LARS2: variants seen among roughly 807,000 people sequenced by gnomAD.
The protein encoded by LARS2 is leucyl-tRNA synthetase 2, mitochondrial, also known as leucine--tRNA ligase, mitochondrial.
Under a neutral mutation model 116.6 loss-of-function variants are expected in LARS2, and 81 were observed. The ratio of observed to expected loss-of-function variants is 0.69; its 90% CI spans 0.58 to 0.84. The LOEUF is 0.84. Ranked by LOEUF, LARS2 falls within the 40% of genes least tolerant of loss-of-function variation. LARS2 has a pLI of 0.00. For synonymous variants in LARS2, 396 were observed against 407.2 expected, an observed-to-expected ratio of 0.97 and a Z score of 0.33; for missense variants, 968 against 1,114.5, an observed-to-expected ratio of 0.87 and a Z score of 1.87.
At chr3:45,433,692 G>A (rs565248677) in intron 6 of LARS2, among the ~76,000 whole-genome samples, 1 of 152,092 alleles carries the variant, frequency 6.6e-6, no homozygotes, top group South Asian at 2.1e-4. Context: ...ATCTCTCATT[G>A]CTCTTTTTTT....
chr3:45,537,449 C>G (rs1053631600), intron 20 of LARS2, among the ~76,000 whole-genome samples: 1 of 152,134 alleles, frequency 6.6e-6, no homozygotes, highest in East Asian at 1.9e-4. Context: ...AAATTATAAA[C>G]GTAAAAATCA....
intron 20 of LARS2, among the ~76,000 whole-genome samples, chr3:45,533,621 C>T (rs1482650063): frequency 6.6e-6 from 1 of 152,080 alleles, no homozygotes; most frequent in Non-Finnish European, 1.5e-5. Context: ...TTTGTTTCTC[C>T]CAGGAAGGAC....
intron 6 of LARS2, among the ~76,000 whole-genome samples, chr3:45,435,833 A>G (rs1464668913): frequency 1.3e-5 from 2 of 152,116 alleles, no homozygotes; most frequent in Non-Finnish European, 2.9e-5. Context: ...TGTTTCATTC[A>G]TATATATATT....
At chr3:45,390,453 C>G (rs955265473) in intron 1 of LARS2, among the ~76,000 whole-genome samples, 7 of 150,910 alleles carry the variant, frequency 4.6e-5, no homozygotes, top group Non-Finnish European at 7.4e-5. Flanking sequence ...GCTGGGACTA[C>G]AGGCGCCCGC....
chr3:45,513,872 A>C (rs962567887), intron 16 of LARS2, among the ~76,000 whole-genome samples: 2 of 152,108 alleles, frequency 1.3e-5, no homozygotes, highest in Non-Finnish European at 2.9e-5. Context: ...AGGATGTATC[A>C]CGTGCACCCA....
intron 6 of LARS2, among the ~76,000 whole-genome samples, chr3:45,443,056 T>C (rs1429619976): frequency 6.6e-6 from 1 of 152,178 alleles, no homozygotes; most frequent in Non-Finnish European, 1.5e-5. Flanking sequence ...CACACCCCAG[T>C]TGTGACAAAC....
intron 7 of LARS2, among the ~76,000 whole-genome samples, chr3:45,454,479 A>C (rs1447471708): frequency 3.3e-5 from 5 of 152,226 alleles, no homozygotes; most frequent in Non-Finnish European, 7.3e-5. Flanking sequence ...TGATATTCCC[A>C]GATAACTATT....
intron 19 of LARS2, among the ~76,000 whole-genome samples, chr3:45,523,604 G>T (rs1247642336): frequency 6.6e-6 from 1 of 151,380 alleles, no homozygotes; most frequent in Non-Finnish European, 1.5e-5. Flanking sequence ...ATAGCTCACT[G>T]CAGCCTTGAC....
intron 7 of LARS2, among the ~76,000 whole-genome samples, chr3:45,454,735 T>C (rs1158396113): frequency 6.6e-6 from 1 of 152,212 alleles, no homozygotes; most frequent in Non-Finnish European, 1.5e-5. Context: ...AAGACTGTGC[T>C]TGCTTAAAAA....
chr3:45,422,951 C>T (rs1410295683), intron 6 of LARS2, among the ~76,000 whole-genome samples: 2 of 152,156 alleles, frequency 1.3e-5, no homozygotes, highest in Non-Finnish European at 2.9e-5. Context: ...TATTTATTTG[C>T]ATAACTCGTA....
chr3:45,533,354 G>A (rs1700650347), intron 20 of LARS2, among the ~76,000 whole-genome samples: 1 of 151,816 alleles, frequency 6.6e-6, no homozygotes, highest in Non-Finnish European at 1.5e-5. Flanking sequence ...GTTTCACCAT[G>A]TTGGTCAGGA....
chr3:45,517,873 C>T, intron 17 of LARS2, 30 bp from the exon 18 acceptor site: 1 of 1,593,074 alleles, frequency 6.3e-7, no homozygotes, highest in Non-Finnish European at 8.6e-7. Context: ...TGCACGCTCT[C>T]TCTTTCTCAT....
chr3:45,394,611 T>G lies in LARS2; in HGVS notation c.158T>G (p.Leu53Trp). Reference protein sequence around the residue: ...ATGKWTKEYTLQTRKDVEKWW... With the variant: ...ATGKWTKEYTWQTRKDVEKWW... Reference sequence around the variant, plus strand: ...GGAAAGTGGACAAAAGAGTATACATTGCAGACAAGAAAGGATGTTGAGAAA... The same window carrying G: ...GGAAAGTGGACAAAAGAGTATACATGGCAGACAAGAAAGGATGTTGAGAAA... The change falls in exon 3 of 22, where the codon TTG becomes TGG. Residue 53 changes from leucine to tryptophan, a missense_variant. Coordinates refer to ENST00000645846, the MANE Select transcript of LARS2 (RefSeq NM_015340.4). 1 of 1,614,164 alleles carries G rather than the reference T, an allele frequency of 6.2e-7. No individual in the cohort carries two copies. The highest frequency in any genetic ancestry group is 1.1e-5 in the South Asian group (1 of 91,080).
chr3:45,545,624 A>T (rs945308923), intron 21 of LARS2, among the ~76,000 whole-genome samples: 1 of 152,194 alleles, frequency 6.6e-6, no homozygotes, highest in Admixed American at 6.5e-5. Context: ...TGCCCGAGGC[A>T]GCAAGGGAAA....
intron 18 of LARS2, 132 bp from the exon 19 acceptor site, chr3:45,520,087 G>T: frequency 1.5e-6 from 1 of 650,292 alleles, no homozygotes; most frequent in Non-Finnish European, 2.7e-6. Context: ...GATTATTTGA[G>T]ATAGTAGATA....
At chr3:45,542,353 G>C (rs1164918454) in intron 21 of LARS2, among the ~76,000 whole-genome samples, 5 of 152,134 alleles carry the variant, frequency 3.3e-5, no homozygotes, top group Non-Finnish European at 7.4e-5. Context: ...GGTGGCTATG[G>C]AGTAATACCT....
intron 15 of LARS2, among the ~76,000 whole-genome samples, chr3:45,506,199 G>C (rs548734103): frequency 6.6e-6 from 1 of 152,158 alleles, no homozygotes; most frequent in Non-Finnish European, 1.5e-5. Context: ...GACCTTTGAG[G>C]AAGGTACAGA....
chr3:45,464,218 G>A (rs1047290177), intron 8 of LARS2, among the ~76,000 whole-genome samples: 6 of 152,200 alleles, frequency 3.9e-5, no homozygotes, highest in Admixed American at 3.9e-4. Flanking sequence ...GAAAGAGGAG[G>A]TGAGGGGAGA....
chr3:45,452,619 G>A (rs1468555944), intron 7 of LARS2, among the ~76,000 whole-genome samples: 5 of 152,022 alleles, frequency 3.3e-5, no homozygotes, highest in Non-Finnish European at 7.4e-5. Context: ...TTGCATCTCT[G>A]TTTATTAGGG....
Sources: allele counts gnomAD v4.1 joint callset (sites outside exome capture counted in the v4.1 genomes callset), GRCh38; gene constraint gnomAD v4.1.1; transcripts MANE v1.5; gene names NCBI Gene and HGNC (gene_info 2026-07-23, HGNC 2026-07-21).